LAMP3: variants seen among roughly 807,000 people sequenced by gnomAD.
LAMP3 encodes lysosome-associated membrane glycoprotein 3.
A neutral mutation model predicts 34.8 loss-of-function variants in LAMP3; 26 were observed. That is an observed-to-expected ratio of 0.75 (90% CI 0.55 to 1.04). LAMP3 has a LOEUF of 1.04. Among genes scored for constraint, LAMP3 ranks in the 50% least tolerant of loss-of-function variants. The pLI, the probability that LAMP3 is intolerant of heterozygous loss-of-function variation, is 0.00. For missense variants in LAMP3, 495 were observed against 524.0 expected (o/e 0.94, Z 0.54); for synonymous variants, 180 against 201.9 (o/e 0.89, Z 0.92).
intron 5 of LAMP3, among the ~76,000 whole-genome samples, chr3:183,127,741 T>A (rs1034314795): frequency 6.6e-6 from 1 of 152,192 alleles, no homozygotes; most frequent in African/African-American, 2.4e-5. Context: ...TTGGTTGCTA[T>A]TTCAACTTAA....
intron 4 of LAMP3, among the ~76,000 whole-genome samples, chr3:183,139,473 C>A (rs74285558): frequency 6.6e-6 from 1 of 152,070 alleles, no homozygotes; most frequent in African/African-American, 2.4e-5. Context: ...CCAAGACCCC[C>A]AGTGTACCAG....
chr3:183,160,483 G>T (rs1720945203), intron 1 of LAMP3, among the ~76,000 whole-genome samples: 2 of 152,110 alleles, frequency 1.3e-5, no homozygotes, highest in African/African-American at 2.4e-5. Flanking sequence ...TCCACCTCAG[G>T]ATCCCAAAGT....
At chr3:183,128,145 C>G (rs1451033935) in intron 5 of LAMP3, among the ~76,000 whole-genome samples, 1 of 45,478 alleles carries the variant, frequency 2.2e-5, no homozygotes, top group African/African-American at 6.4e-5. Flanking sequence ...GACACTCCAT[C>G]TCAAAAAAAA....
chr3:183,154,118 T>C lies in LAMP3; in HGVS notation c.323A>G (p.Gln108Arg). ...SPITYTLVTT[Q>R]ATPNNSHTAP... is the part of the protein sequence containing the mutation. ...TGTGTGTGAGTTGTTGGGTGTGGCC[T>C]GGGTTGTGACCAGGGTGTAGGTAAT... The change falls in exon 2 of 6, where the codon CAG becomes CGG. Residue 108 changes from glutamine to arginine, a missense_variant. Transcript: ENST00000265598. 1.2e-6 allele frequency: 2 copies of C among 1,614,186 alleles called. No homozygotes were observed. The highest frequency in any genetic ancestry group is 1.7e-6 in the Non-Finnish European group (2 of 1,180,026).
chr3:183,142,092 C>A (rs1720301121), intron 3 of LAMP3, among the ~76,000 whole-genome samples: 1 of 152,170 alleles, frequency 6.6e-6, no homozygotes, highest in Admixed American at 6.5e-5. Context: ...TAGGGAGAAA[C>A]ATCTCTTTTA....
chr3:183,160,601 C>CCTGCCT (rs3056445), intron 1 of LAMP3, among the ~76,000 whole-genome samples: 4,620 of 152,230 alleles, frequency 0.03, 346 homozygotes, highest in East Asian at 0.29. Context: ...AATTCCTTAA[C>CCTGCCT]CTGCCTCTGC....
chr3:183,124,139 C>T lies in LAMP3; in HGVS notation c.1193G>A (p.Gly398Asp), dbSNP rs1333575002. The T allele has an allele frequency of 1.9e-5, 30 of 1,613,476 alleles. No individual in the cohort carries two copies. Among genetic ancestry groups the T allele is most frequent in the Non-Finnish European group, 2.5e-5 (29 of 1,179,760 alleles). The change falls in exon 6 of 6, where the codon GGT (glycine) becomes GAT (aspartate). Residue 398 changes from glycine (G) to aspartate (D), a missense_variant. Physicochemically the swap from Gly to Asp is moderately conservative, Grantham distance 94. Coordinates refer to ENST00000265598, the MANE Select transcript of LAMP3 (RefSeq NM_014398.4). Reference sequence around the variant, plus strand: ...TAGGCGGATTTTATAGACACCCATACCCATAAGGCAGAGACCAACCACGAT... The same window carrying T: ...TAGGCGGATTTTATAGACACCCATATCCATAAGGCAGAGACCAACCACGAT... The part of the protein sequence containing the change: ...GAIVVGLCLM[G>D]MGVYKIRLRC...
intron 1 of LAMP3, among the ~76,000 whole-genome samples, chr3:183,159,534 G>A: frequency 6.6e-6 from 1 of 152,228 alleles, no homozygotes; most frequent in East Asian, 1.9e-4. Context: ...CAGGTTCAGG[G>A]AATCACAGTT....
intron 3 of LAMP3, among the ~76,000 whole-genome samples, chr3:183,147,025 C>T (rs943262527): frequency 1.3e-5 from 2 of 151,754 alleles, no homozygotes; most frequent in East Asian, 2.0e-4. Flanking sequence ...AGGTGGATCA[C>T]GAGGTCAGGA....
At chr3:183,153,004 G>A (rs1290918130) in intron 2 of LAMP3, among the ~76,000 whole-genome samples, 10 of 151,878 alleles carry the variant, frequency 6.6e-5, no homozygotes, top group African/African-American at 2.4e-4. Context: ...GTGAAACCCC[G>A]TCTCTACTAA....
chr3:183,124,337 T>A, intron 5 of LAMP3, 123 bp from the exon 6 acceptor site: 1 of 803,248 alleles, frequency 1.2e-6, no homozygotes, highest in Non-Finnish European at 1.8e-6. Flanking sequence ...ACTCCACCAT[T>A]AACTAGCTTT....
intron 5 of LAMP3, chr3:183,132,083 T>G: frequency 1.0e-6 from 1 of 984,908 alleles, no homozygotes; most frequent in Non-Finnish European, 1.2e-6. Flanking sequence ...TAAAATAACA[T>G]CAAAGAAAAG....
At chr3:183,126,173 G>A (rs142141381) in intron 5 of LAMP3, among the ~76,000 whole-genome samples, 20 of 151,786 alleles carry the variant, frequency 1.3e-4, no homozygotes, top group Non-Finnish European at 1.9e-4. Context: ...TTAAATATAC[G>A]TAAAAACTAA....
chr3:183,132,836 C>G (rs1263296934), intron 5 of LAMP3: 1 of 985,348 alleles, frequency 1.0e-6, no homozygotes, highest in Non-Finnish European at 1.2e-6. Context: ...TTCATATCCT[C>G]TACTGGGCCT....
chr3:183,150,908 T>C (rs1720610792), intron 3 of LAMP3, among the ~76,000 whole-genome samples: 1 of 152,200 alleles, frequency 6.6e-6, no homozygotes, highest in Non-Finnish European at 1.5e-5. Flanking sequence ...CTACCCTGAA[T>C]GTCTTCCCAT....
Sources: gnomAD v4.1 joint callset for allele counts (sites outside exome capture counted in the v4.1 genomes callset) on GRCh38, gnomAD v4.1.1 for gene constraint, MANE v1.5 for transcripts, NCBI Gene and HGNC (gene_info 2026-07-23, HGNC 2026-07-21) for gene names.